FAM110B: variants seen among roughly 807,000 people sequenced by gnomAD.
FAM110B encodes the protein family with sequence similarity 110 member B.
A neutral mutation model predicts 20.4 loss-of-function variants in FAM110B; 6 were observed. The observed-to-expected ratio is 0.29, with a 90% CI of 0.16 to 0.58. FAM110B has a LOEUF of 0.58. FAM110B is among the 20% of genes least tolerant of loss of function. The pLI, the probability that FAM110B is intolerant of heterozygous loss-of-function variation, is 0.90. For synonymous variants in FAM110B, 226 were observed against 214.1 expected, an observed-to-expected ratio of 1.06 and a Z score of -0.49; for missense variants, 434 against 498.2, an observed-to-expected ratio of 0.87 and a Z score of 1.23.
intron 3 of FAM110B, among the ~76,000 whole-genome samples, chr8:58,076,137 T>A (rs1219276267): frequency 6.6e-6 from 1 of 152,116 alleles, no homozygotes; most frequent in African/African-American, 2.4e-5. Flanking sequence ...TTTAAAAATT[T>A]TTTCATAGAG....
intron 2 of FAM110B, among the ~76,000 whole-genome samples, chr8:58,061,435 G>C (rs1328416764): frequency 6.6e-6 from 1 of 152,140 alleles, no homozygotes; most frequent in Non-Finnish European, 1.5e-5. Context: ...TTCATCATAT[G>C]CTATCCCCTA....
At chr8:58,010,160 A>G (rs1331141966) in intron 1 of FAM110B, among the ~76,000 whole-genome samples, 1 of 149,518 alleles carries the variant, frequency 6.7e-6, no homozygotes, top group African/African-American at 2.5e-5. Flanking sequence ...GGGATTACAG[A>G]TGCGCAACAT....
chr8:58,058,008 G>A (rs1277658811), intron 2 of FAM110B, among the ~76,000 whole-genome samples: 1 of 152,174 alleles, frequency 6.6e-6, no homozygotes, highest in East Asian at 1.9e-4. Context: ...GGGGCCGTGG[G>A]GAGAGGCTAT....
At chr8:58,048,097 G>C (rs556544931) in intron 2 of FAM110B, among the ~76,000 whole-genome samples, 2 of 152,126 alleles carry the variant, frequency 1.3e-5, no homozygotes, top group Non-Finnish European at 2.9e-5. Flanking sequence ...GTGCTTAAGC[G>C]TAGTTCATTA....
intron 2 of FAM110B, among the ~76,000 whole-genome samples, chr8:58,075,262 CTTTTTTTTTT>C (rs67819278): frequency 6.4e-5 from 8 of 125,030 alleles, no homozygotes; most frequent in African/African-American, 1.0e-4. Flanking sequence ...CTAATTTTTG[CTTTTTTTTTT>C]TTTTGTGTGT....
At chr8:58,084,961 A>G (rs1311574476) in intron 3 of FAM110B, among the ~76,000 whole-genome samples, 2 of 152,172 alleles carry the variant, frequency 1.3e-5, no homozygotes, top group Admixed American at 1.3e-4. Flanking sequence ...TTCCCTCTGG[A>G]CACTGTTTTT....
intron 2 of FAM110B, among the ~76,000 whole-genome samples, chr8:58,041,037 T>C (rs1479771140): frequency 6.8e-6 from 1 of 147,172 alleles, no homozygotes; most frequent in Admixed American, 7.1e-5. Context: ...CGCCTCCAGG[T>C]TCAAGTGATT....
At position 58,147,498 on chromosome 8, in the gene FAM110B, T is replaced by G; in HGVS notation, c.*155T>G. The G allele has an allele frequency of 1.1e-6, 1 of 937,052 alleles. No homozygotes were observed. The highest frequency in any genetic ancestry group is 1.6e-6 in the Non-Finnish European group (1 of 631,564). The allele number at this position is 937,052 out of a possible 1,614,324, so 58.0% of individuals were successfully genotyped here. On this transcript the variant is annotated 3_prime_UTR_variant, in exon 4 of 4. Coordinates refer to ENST00000519262, the MANE Select transcript of FAM110B (RefSeq NM_001377989.1). ...ATGCTTGTCAACATGGGGACTGACC[T>G]GGCTTCCACGTCACCATCGCTACAG... is the stretch of plus-strand genomic sequence containing the variant.
chr8:58,062,841 T>A (rs1263018994), intron 2 of FAM110B, among the ~76,000 whole-genome samples: 1 of 152,262 alleles, frequency 6.6e-6, no homozygotes, highest in Non-Finnish European at 1.5e-5. Flanking sequence ...ATCTTCCAAG[T>A]ATATAAGAAT....
Position 58,145,986 on chromosome 8 carries a change from T to G in FAM110B, c.-245T>G. 2.2e-6 allele frequency: 1 copy of G among 461,314 alleles called. No homozygotes were observed. The highest frequency in any genetic ancestry group is 3.9e-6 in the Non-Finnish European group (1 of 257,984). 28.6% of individuals were successfully genotyped at this position (461,314 alleles called of 1,614,324 possible). ...AGAAGAAAGGAGGCAGCGAAGCAGATTAAAGGAACTTGTGGCTTGTGGCCT... is the reference window on the plus strand; with the variant it reads ...AGAAGAAAGGAGGCAGCGAAGCAGAGTAAAGGAACTTGTGGCTTGTGGCCT... On this transcript the variant is annotated 5_prime_UTR_variant, in exon 4 of 4. Coordinates refer to ENST00000519262, the MANE Select transcript of FAM110B (RefSeq NM_001377989.1).
At chr8:58,009,497 T>A (rs926253399) in intron 1 of FAM110B, among the ~76,000 whole-genome samples, 7 of 152,362 alleles carry the variant, frequency 4.6e-5, no homozygotes, top group Non-Finnish European at 8.8e-5. Context: ...AAGATTCAGT[T>A]TGAGAAAAGA....
chr8:58,121,565 ATTAG>A (rs999434556), intron 3 of FAM110B, among the ~76,000 whole-genome samples: 15 of 152,334 alleles, frequency 9.8e-5, no homozygotes, highest in African/African-American at 3.6e-4. Flanking sequence ...AGTCTTCATA[ATTAG>A]TTTACTTTTT....
At chr8:58,052,849 G>C (rs1024574422) in intron 2 of FAM110B, among the ~76,000 whole-genome samples, 1 of 126,300 alleles carries the variant, frequency 7.9e-6, no homozygotes, top group Admixed American at 9.7e-5. Context: ...GCAGTGGCGC[G>C]ATCTCGGCTC....
intron 2 of FAM110B, among the ~76,000 whole-genome samples, chr8:58,051,404 A>G (rs1024041627): frequency 2.0e-5 from 3 of 152,232 alleles, no homozygotes; most frequent in African/African-American, 4.8e-5. Flanking sequence ...ATGCTCATTT[A>G]TCAGTGGTAA....
intron 3 of FAM110B, among the ~76,000 whole-genome samples, chr8:58,093,481 C>G (rs1289825716): frequency 6.6e-6 from 1 of 152,126 alleles, no homozygotes; most frequent in Non-Finnish European, 1.5e-5. Flanking sequence ...AGCCAGTTTT[C>G]CCAACACCAT....
At chr8:58,032,066 GT>G (rs1342723319) in intron 2 of FAM110B, 1 of 152,306 alleles carries the variant, frequency 6.6e-6, no homozygotes, top group Non-Finnish European at 1.5e-5. Context: ...TCTGCCATTG[GT>G]TTGGCTGAGG....
intron 3 of FAM110B, among the ~76,000 whole-genome samples, chr8:58,102,194 G>T (rs1179094085): frequency 6.6e-6 from 1 of 152,210 alleles, no homozygotes; most frequent in Non-Finnish European, 1.5e-5. Flanking sequence ...CGGCTTCAGT[G>T]TAATTCAAAG....
chr8:58,014,338 G>A (rs1047495564), intron 1 of FAM110B, among the ~76,000 whole-genome samples: 1 of 152,122 alleles, frequency 6.6e-6, no homozygotes, highest in Non-Finnish European at 1.5e-5. Context: ...TCACCAGGAG[G>A]GCTATTCAAA....
Position 58,126,738 on chromosome 8 carries a change from A to G in FAM110B, c.-324-19169A>G, listed in dbSNP as rs12681687. Among the ~76,000 whole-genome samples the G allele has an allele frequency of 1.1e-4, 17 of 151,932 alleles. No homozygotes were observed. In the East Asian group the frequency reaches 2.7e-3, roughly 24 times the overall value. ...TGAAATGTCTTTTGCCCATTTTCCA[A>G]TTGGATTGTTTGGTTTTTTTAAAGT... is the stretch of plus-strand genomic sequence containing the variant. On this transcript the variant is annotated intron_variant, in intron 3 of 3. Transcript: ENST00000519262.
Sources: gnomAD v4.1 joint callset for allele counts (sites outside exome capture counted in the v4.1 genomes callset) on GRCh38, gnomAD v4.1.1 for gene constraint, MANE v1.5 for transcripts, NCBI Gene and HGNC (gene_info 2026-07-23, HGNC 2026-07-21) for gene names.